Variants in LRRC38 observed in about 807,000 individuals in gnomAD.
The protein encoded by LRRC38 is leucine rich repeat containing 38.
In LRRC38, 5 loss-of-function variants were observed where a neutral mutation model predicts 16.4. That is an observed-to-expected ratio of 0.31 (90% CI 0.16 to 0.64). LRRC38 has a LOEUF of 0.64. LRRC38 is among the 30% of genes least tolerant of loss of function. The probability of loss-of-function intolerance (pLI) is 0.80; values close to 1 mark genes in which losing one functional copy is unlikely to be tolerated. For missense variants in LRRC38, 341 were observed against 401.8 expected (o/e 0.85, Z 1.29); for synonymous variants, 191 against 190.2 (o/e 1.00, Z -0.04).
At chr1:13,489,502 T>C (rs945862466) in intron 1 of LRRC38, among the ~76,000 whole-genome samples, 1 of 151,978 alleles carries the variant, frequency 6.6e-6, no homozygotes, top group African/African-American at 2.4e-5. Flanking sequence ...TAAGGCCACT[T>C]GGAGTCTGGA....
chr1:13,505,466 G>C (rs1639201819), intron 1 of LRRC38, among the ~76,000 whole-genome samples: 1 of 152,130 alleles, frequency 6.6e-6, no homozygotes, highest in African/African-American at 2.4e-5. Flanking sequence ...AAAAACAAAG[G>C]CCAGTGATTT....
At chr1:13,477,430 G>A (rs1201882969) in intron 1 of LRRC38, among the ~76,000 whole-genome samples, 1 of 152,174 alleles carries the variant, frequency 6.6e-6, no homozygotes, top group African/African-American at 2.4e-5. Flanking sequence ...GATAAAGAAA[G>A]TCTGGGACAA....
intron 1 of LRRC38, among the ~76,000 whole-genome samples, chr1:13,499,775 T>A (rs886171020): frequency 6.6e-6 from 1 of 152,186 alleles, no homozygotes; most frequent in Non-Finnish European, 1.5e-5. Context: ...ACTGGAGCTG[T>A]GTGCAGGCTT....
At chr1:13,495,058 G>T (rs867975737) in intron 1 of LRRC38, among the ~76,000 whole-genome samples, 1 of 152,216 alleles carries the variant, frequency 6.6e-6, no homozygotes, top group Non-Finnish European at 1.5e-5. Context: ...ACACAAGGGG[G>T]TGGGGATAGA....
chr1:13,504,832 AAAG>A (rs1156992602), intron 1 of LRRC38, among the ~76,000 whole-genome samples: 1 of 149,018 alleles, frequency 6.7e-6, no homozygotes, highest in Non-Finnish European at 1.5e-5. Context: ...AAGAAAAGAG[AAAG>A]AAGAAAGAAA....
intron 1 of LRRC38, among the ~76,000 whole-genome samples, chr1:13,494,198 A>G (rs1392022529): frequency 6.6e-6 from 1 of 152,186 alleles, no homozygotes; most frequent in Non-Finnish European, 1.5e-5. Flanking sequence ...AGGTTGCACA[A>G]TGAGTCAGTG....
At chr1:13,491,460 G>A (rs1207924659) in intron 1 of LRRC38, among the ~76,000 whole-genome samples, 1 of 152,066 alleles carries the variant, frequency 6.6e-6, no homozygotes, top group Non-Finnish European at 1.5e-5. Context: ...CCGAGTGACT[G>A]GGATGACAGT....
At chr1:13,506,861 AG>A (rs1268663968) in intron 1 of LRRC38, among the ~76,000 whole-genome samples, 24 of 152,250 alleles carry the variant, frequency 1.6e-4, no homozygotes, top group Non-Finnish European at 3.1e-4. Context: ...CTAGGACAGC[AG>A]GAACTGTGCA....
chr1:13,510,701 G>C (rs374487978), intron 1 of LRRC38, among the ~76,000 whole-genome samples: 38 of 152,200 alleles, frequency 2.5e-4, no homozygotes, highest in Middle Eastern at 3.4e-3. Flanking sequence ...CCTACCACAC[G>C]CCAAGCAAGA....
intron 1 of LRRC38, among the ~76,000 whole-genome samples, chr1:13,496,658 C>T (rs1045254690): frequency 3.9e-5 from 6 of 152,084 alleles, no homozygotes; most frequent in South Asian, 2.1e-4. Context: ...TCAACACATA[C>T]GTATGGAGCA....
chr1:13,507,383 T>C (rs1328556082), intron 1 of LRRC38, among the ~76,000 whole-genome samples: 1 of 152,144 alleles, frequency 6.6e-6, no homozygotes, highest in Non-Finnish European at 1.5e-5. Context: ...AAACCGAGAC[T>C]TCAGTAAGCC....
chr1:13,513,728 C>T lies in LRRC38; in HGVS notation c.-135G>A, dbSNP rs1639305662. 1 of 332,610 alleles carries T rather than the reference C, an allele frequency of 3.0e-6. No homozygotes were observed. Among genetic ancestry groups the T allele is most frequent in the Non-Finnish European group, 4.3e-6 (1 of 232,994 alleles). 20.6% of individuals were successfully genotyped at this position (332,610 alleles called of 1,614,324 possible). On this transcript the variant is annotated 5_prime_UTR_variant, in exon 1 of 2. Coordinates refer to ENST00000376085, the MANE Select transcript of LRRC38 (RefSeq NM_001010847.2). ...GCGGCCCGGGCGGGGAGGGCGTGCG[C>T]CCGGGCGTGCGGGGGCGATGGAGCG...
chr1:13,500,016 C>T (rs140125766), intron 1 of LRRC38, among the ~76,000 whole-genome samples: 2,109 of 151,114 alleles, frequency 0.014, 49 homozygotes, highest in African/African-American at 0.047. Flanking sequence ...TTTGGGAGGC[C>T]GAGGCAGGCA....
At position 13,513,856 on chromosome 1, in the gene LRRC38, T is replaced by A. The variant is rs1377625102; in HGVS notation, c.-263A>T. 1.3e-5 allele frequency: 2 copies of A among 153,946 alleles called. No individual in the cohort carries two copies. The highest frequency in any genetic ancestry group is 4.8e-5 in the African/African-American group (2 of 41,358). 9.5% of individuals were successfully genotyped at this position (153,946 alleles called of 1,614,324 possible). ...CAAAGGGTTTACCCGGACAGGAAATTAACCCGCTAGAAAAATCTCTTGGGA... is the reference window on the plus strand; with the variant it reads ...CAAAGGGTTTACCCGGACAGGAAATAAACCCGCTAGAAAAATCTCTTGGGA... On this transcript the variant is annotated 5_prime_UTR_variant, in exon 1 of 2. Coordinates refer to ENST00000376085, the MANE Select transcript of LRRC38 (RefSeq NM_001010847.2).
In LRRC38 at chr1:13,475,668, T is replaced by C; in HGVS notation, c.*178A>G. ...TTCCTGGGCTTCTGTGCTCTGCTGA[T>C]TCTAAACTCTGAGATCAGTGGTCCC... is the stretch of plus-strand genomic sequence containing the variant. On this transcript the variant is annotated 3_prime_UTR_variant, in exon 2 of 2. Coordinates refer to ENST00000376085, the MANE Select transcript of LRRC38 (RefSeq NM_001010847.2). This position sits in a 1 kb window ranked among gnomAD's most constrained non-coding sequence, Gnocchi z 4.3. 1.4e-6 allele frequency: 1 copy of C among 733,712 alleles called. No individual in the cohort carries two copies. 45.5% of individuals were successfully genotyped at this position (733,712 alleles called of 1,614,324 possible).
intron 1 of LRRC38, among the ~76,000 whole-genome samples, chr1:13,482,645 G>A (rs1638883770): frequency 6.6e-6 from 1 of 152,048 alleles, no homozygotes; most frequent in South Asian, 2.1e-4. Flanking sequence ...CTCACAGAGG[G>A]GGCTTTGGGG....
intron 1 of LRRC38, 35 bp downstream of exon 1, chr1:13,512,928 T>TCCCCCCCCC: frequency 1.1e-5 from 5 of 435,440 alleles, no homozygotes; most frequent in South Asian, 3.4e-5. Flanking sequence ...CCTGCCCCCC[T>TCCCCCCCCC]CCCTCCCTCC....
chr1:13,485,528 G>A (rs193109457), intron 1 of LRRC38, among the ~76,000 whole-genome samples: 34 of 151,884 alleles, frequency 2.2e-4, no homozygotes, highest in African/African-American at 6.5e-4. Context: ...AGATTGTGCC[G>A]CTGTACTTCA....
chr1:13,483,739 C>G (rs1352796037), intron 1 of LRRC38, among the ~76,000 whole-genome samples: 4 of 152,206 alleles, frequency 2.6e-5, no homozygotes, highest in Non-Finnish European at 5.9e-5. Flanking sequence ...ATACTGTGAA[C>G]ATGAAATAAG....
Sources: allele counts gnomAD v4.1 joint callset (sites outside exome capture counted in the v4.1 genomes callset), GRCh38; gene constraint gnomAD v4.1.1; non-coding constraint Gnocchi (gnomAD v3.1); transcripts MANE v1.5; gene names NCBI Gene and HGNC (gene_info 2026-07-23, HGNC 2026-07-21).